RALYL: variants seen among roughly 807,000 people sequenced by gnomAD.
RALYL encodes the protein RALY RNA binding protein like.
Under a neutral mutation model 35.1 loss-of-function variants are expected in RALYL, and 29 were observed. That is an observed-to-expected ratio of 0.83 (90% CI 0.61 to 1.13). RALYL has a LOEUF of 1.13. Among genes scored for constraint, RALYL ranks in the 50% most tolerant of loss-of-function variants. The probability of loss-of-function intolerance (pLI) is 0.00; values close to 1 mark genes in which losing one functional copy is unlikely to be tolerated. For missense variants in RALYL, 359 were observed against 360.4 expected (o/e 1.00, Z 0.03); for synonymous variants, 120 against 127.6 (o/e 0.94, Z 0.40).
chr8:84,688,406 G>A (rs1397667428), intron 2 of RALYL, among the ~76,000 whole-genome samples: 1 of 152,076 alleles, frequency 6.6e-6, no homozygotes, highest in Non-Finnish European at 1.5e-5. Flanking sequence ...GAACAAAAGA[G>A]AGAACCCAGA....
chr8:84,541,147 G>A (rs1350358441), intron 2 of RALYL, among the ~76,000 whole-genome samples: 5 of 150,996 alleles, frequency 3.3e-5, no homozygotes, highest in Non-Finnish European at 7.4e-5. Context: ...ACACTTTGTG[G>A]GTTTAATTTG....
intron 1 of RALYL, among the ~76,000 whole-genome samples, chr8:84,335,899 G>A (rs954647416): frequency 8.6e-5 from 13 of 151,864 alleles, no homozygotes; most frequent in African/African-American, 3.1e-4. Flanking sequence ...AATCTAGCAA[G>A]TGCAATTAAG....
At chr8:84,489,882 T>C (rs540870699) in intron 1 of RALYL, among the ~76,000 whole-genome samples, 1 of 152,058 alleles carries the variant, frequency 6.6e-6, no homozygotes, top group Non-Finnish European at 1.5e-5. Flanking sequence ...ATAACTAGAA[T>C]TCATATTTTT....
chr8:84,367,377 G>A (rs377279128), intron 1 of RALYL, among the ~76,000 whole-genome samples: 15 of 95,606 alleles, frequency 1.6e-4, no homozygotes, highest in East Asian at 1.5e-3. Context: ...TTTAGTAGAG[G>A]CAGGGTTTCA....
intron 1 of RALYL, among the ~76,000 whole-genome samples, chr8:84,260,713 A>T (rs897441493): frequency 3.9e-5 from 6 of 152,142 alleles, no homozygotes; most frequent in African/African-American, 1.4e-4. Flanking sequence ...TATTACCATG[A>T]CCTACTAGGA....
At chr8:84,659,122 A>C (rs1830447987) in intron 2 of RALYL, among the ~76,000 whole-genome samples, 1 of 152,186 alleles carries the variant, frequency 6.6e-6, no homozygotes, top group Admixed American at 6.5e-5. Flanking sequence ...TAGTTAGACT[A>C]AAACAGCATT....
At chr8:84,648,631 A>G (rs989048927) in intron 2 of RALYL, among the ~76,000 whole-genome samples, 1 of 152,038 alleles carries the variant, frequency 6.6e-6, no homozygotes, top group Non-Finnish European at 1.5e-5. Flanking sequence ...ATCATTATAC[A>G]TCTTATTAAA....
At chr8:84,248,075 C>A (rs762532109) in intron 1 of RALYL, among the ~76,000 whole-genome samples, 1 of 152,014 alleles carries the variant, frequency 6.6e-6, no homozygotes, top group Non-Finnish European at 1.5e-5. Flanking sequence ...AAATAAGGTA[C>A]GTACAGCTTA....
chr8:84,829,704 A>AAGTT (rs1294474595), intron 4 of RALYL, among the ~76,000 whole-genome samples: 2 of 152,168 alleles, frequency 1.3e-5, no homozygotes, highest in Non-Finnish European at 2.9e-5. Flanking sequence ...TTATTTGTGG[A>AAGTT]AGTTATATTC....
intron 2 of RALYL, among the ~76,000 whole-genome samples, chr8:84,753,168 A>G (rs930098590): frequency 6.6e-6 from 1 of 152,196 alleles, no homozygotes; most frequent in African/African-American, 2.4e-5. Flanking sequence ...TTGGAGTTTT[A>G]AGATTAATGA....
intron 2 of RALYL, among the ~76,000 whole-genome samples, chr8:84,745,968 A>T (rs1437564825): frequency 6.6e-6 from 1 of 152,048 alleles, no homozygotes; most frequent in Non-Finnish European, 1.5e-5. Flanking sequence ...CCTATGATTG[A>T]GTTGCAGGGT....
At chr8:84,555,140 G>A (rs903097583) in intron 2 of RALYL, among the ~76,000 whole-genome samples, 30 of 152,200 alleles carry the variant, frequency 2.0e-4, no homozygotes, top group South Asian at 6.2e-4. Flanking sequence ...TTAGCCGGGC[G>A]TGGTGGCACA....
At chr8:84,701,495 C>G (rs896452365) in intron 2 of RALYL, among the ~76,000 whole-genome samples, 1 of 152,092 alleles carries the variant, frequency 6.6e-6, no homozygotes, top group Non-Finnish European at 1.5e-5. Flanking sequence ...TGACAAAATA[C>G]TTAGAAGGTT....
chr8:84,598,278 C>T (rs1815070649), intron 2 of RALYL, among the ~76,000 whole-genome samples: 1 of 152,116 alleles, frequency 6.6e-6, no homozygotes, highest in South Asian at 2.1e-4. Context: ...AAGCAATCCT[C>T]CTGCCTTAGC....
At chr8:84,185,071 C>T in intron 1 of RALYL, 2 of 1,577,046 alleles carry the variant, frequency 1.3e-6, no homozygotes, top group Non-Finnish European at 1.7e-6. Flanking sequence ...CTTAGGGATG[C>T]TGTCTTTGGA....
chr8:84,190,524 C>T lies in RALYL; in HGVS notation c.-24+6100C>T, dbSNP rs550496695. ...AGACTTGGTCATAAGTCCTCACGTTCATAAAATCAGTGGATTTAGAGGTCA... is the reference window on the plus strand; with the variant it reads ...AGACTTGGTCATAAGTCCTCACGTTTATAAAATCAGTGGATTTAGAGGTCA... On this transcript the variant is annotated intron_variant, in intron 1 of 8. Transcript: ENST00000521268. Among the ~76,000 whole-genome samples the T allele has an allele frequency of 2.6e-5, 4 of 152,234 alleles. No homozygotes were observed. The East Asian group carries it at 7.7e-4, about 29-fold the overall frequency.
chr8:84,461,989 T>G (rs1488633744), intron 1 of RALYL, among the ~76,000 whole-genome samples: 1 of 151,802 alleles, frequency 6.6e-6, no homozygotes, highest in Non-Finnish European at 1.5e-5. Context: ...TAATGACATG[T>G]ATCTACCATT....
chr8:84,693,608 G>A (rs547896588), intron 2 of RALYL, among the ~76,000 whole-genome samples: 30 of 151,840 alleles, frequency 2.0e-4, no homozygotes, highest in Admixed American at 1.6e-3. Context: ...ATTTTTAGAC[G>A]CATTTTATGA....
At chr8:84,253,578 G>A (rs1830650958) in intron 1 of RALYL, among the ~76,000 whole-genome samples, 1 of 151,996 alleles carries the variant, frequency 6.6e-6, no homozygotes, top group South Asian at 2.1e-4. Flanking sequence ...AATTGATTGA[G>A]AAAGGTTCTA....
Sources: allele counts gnomAD v4.1 joint callset (sites outside exome capture counted in the v4.1 genomes callset), GRCh38; gene constraint gnomAD v4.1.1; transcripts MANE v1.5; gene names NCBI Gene and HGNC (gene_info 2026-07-23, HGNC 2026-07-21).